The following MSH3 variants were observed in gnomAD, a reference collection of about 807,000 sequenced individuals.
The protein encoded by MSH3 is DNA mismatch repair protein Msh3.
Under a neutral mutation model 123.3 loss-of-function variants are expected in MSH3, and 106 were observed. The observed-to-expected ratio is 0.86, with a 90% CI of 0.73 to 1.01. The LOEUF is 1.01. MSH3 is among the 50% of genes least tolerant of loss of function. The probability of loss-of-function intolerance (pLI) is 0.00; values close to 1 mark genes in which losing one functional copy is unlikely to be tolerated. For missense variants in MSH3, 1,459 were observed against 1,347.6 expected, an observed-to-expected ratio of 1.08 and a Z score of -1.29; for synonymous variants, 515 against 481.4, an observed-to-expected ratio of 1.07 and a Z score of -0.91.
intron 18 of MSH3, among the ~76,000 whole-genome samples, chr5:80,791,362 G>T (rs1271779757): frequency 6.6e-6 from 1 of 152,070 alleles, no homozygotes; most frequent in African/African-American, 2.4e-5. Context: ...CATTTTTGTT[G>T]ATACAAATGT....
chr5:80,853,585 C>T (rs1345989849), intron 20 of MSH3, among the ~76,000 whole-genome samples: 1 of 152,118 alleles, frequency 6.6e-6, no homozygotes, highest in Non-Finnish European at 1.5e-5. Flanking sequence ...GGAACTGTTT[C>T]ATAAAATCTA....
chr5:80,876,792 A>C lies in MSH3; in HGVS notation c.*930A>C, dbSNP rs554168257. Among the ~76,000 whole-genome samples the C allele has an allele frequency of 4.9e-4, 74 of 152,226 alleles. No individual in the cohort carries two copies. The highest frequency in any genetic ancestry group is 9.6e-4 in the Non-Finnish European group (65 of 68,034). On this transcript the variant is annotated 3_prime_UTR_variant, in exon 24 of 24. Coordinates refer to ENST00000265081, the MANE Select transcript of MSH3 (RefSeq NM_002439.5). ...TTATTTGTCATTCATTCAAGTAATAAATATTTAATGAATACTTGCTATAGA... is the reference window on the plus strand; with the variant it reads ...TTATTTGTCATTCATTCAAGTAATACATATTTAATGAATACTTGCTATAGA...
chr5:80,809,237 A>T (rs1387486333), intron 19 of MSH3, among the ~76,000 whole-genome samples: 1 of 152,178 alleles, frequency 6.6e-6, no homozygotes, highest in Non-Finnish European at 1.5e-5. Context: ...AGATGAGAAA[A>T]TGAAATGTAT....
rs767492134 is a variant in MSH3, at chr5:80,728,949, A to G, written c.1552A>G (p.Met518Val). 2 of 1,597,786 alleles carry G rather than the reference A, an allele frequency of 1.3e-6. No individual in the cohort carries two copies. The highest frequency in any genetic ancestry group is 1.7e-6 in the Non-Finnish European group (2 of 1,165,324). ...CCTCAAAGAATTCAACTTGGAAAAG[A>G]TGCTCTCCAAACCTGAGTAAGTGAT... Reference protein sequence around the residue: ...KYLKEFNLEKMLSKPENFKQL... With the variant: ...KYLKEFNLEKVLSKPENFKQL... The change falls in exon 10 of 24, where the codon ATG (methionine) becomes GTG (valine). Residue 518 changes from methionine to valine, a missense_variant. Coordinates refer to ENST00000265081, the MANE Select transcript of MSH3 (RefSeq NM_002439.5).
intron 8 of MSH3, among the ~76,000 whole-genome samples, chr5:80,692,323 T>C (rs1761820224): frequency 1.4e-5 from 1 of 74,054 alleles, no homozygotes; most frequent in Non-Finnish European, 2.6e-5. Context: ...CATGTATATG[T>C]TTAGATAGAT....
chr5:80,836,098 G>C (rs370321029), intron 20 of MSH3, among the ~76,000 whole-genome samples: 1 of 151,866 alleles, frequency 6.6e-6, no homozygotes, highest in East Asian at 1.9e-4. Flanking sequence ...ATGTTTTTTA[G>C]AATAAACTCA....
intron 12 of MSH3, among the ~76,000 whole-genome samples, chr5:80,758,656 C>G (rs1376570562): frequency 2.0e-5 from 3 of 152,130 alleles, no homozygotes; most frequent in African/African-American, 7.2e-5. Flanking sequence ...AAACCTTTTC[C>G]TTTATGTTTT....
intron 8 of MSH3, among the ~76,000 whole-genome samples, chr5:80,721,047 G>A (rs1751068892): frequency 6.6e-6 from 1 of 151,990 alleles, no homozygotes; most frequent in African/African-American, 2.4e-5. Context: ...TCTGGCCCTA[G>A]GCAATTATTA....
chr5:80,875,807 A>G lies in MSH3; in HGVS notation c.3359A>G (p.Gln1120Arg), dbSNP rs1580106219. The G allele has an allele frequency of 7.4e-6, 12 of 1,614,044 alleles. No individual in the cohort carries two copies. The highest frequency in any genetic ancestry group is 1.6e-4 in the Middle Eastern group (1 of 6,062). The change falls in exon 24 of 24, where the codon CAG (glutamine) becomes CGG (arginine). Residue 1120 changes from glutamine (Q) to arginine (R), a missense_variant. Gln to Arg is a conservative substitution (Grantham distance 43). Transcript: ENST00000265081. ...ACGATGCATAATGCACAAGACCTGC[A>G]GAAGTGGACAGAGGAGTTCAACATG... ...LWTMHNAQDL[Q>R]KWTEEFNMEE...
chr5:80,673,439 C>G (rs1217638320), intron 6 of MSH3, among the ~76,000 whole-genome samples: 1 of 152,084 alleles, frequency 6.6e-6, no homozygotes, highest in Non-Finnish European at 1.5e-5. Flanking sequence ...TGAGGTGGGA[C>G]AATCACGTCA....
chr5:80,843,114 G>T (rs1335366741), intron 20 of MSH3, among the ~76,000 whole-genome samples: 1 of 151,966 alleles, frequency 6.6e-6, no homozygotes. Flanking sequence ...TTAGCTTGAG[G>T]GGCTATTGAA....
chr5:80,679,143 T>C (rs776668674), intron 8 of MSH3, 50 bp downstream of exon 8: 2 of 1,579,650 alleles, frequency 1.3e-6, no homozygotes, highest in Non-Finnish European at 8.7e-7. Context: ...AACTTAGGTT[T>C]AGTTCCAAAA....
intron 22 of MSH3, among the ~76,000 whole-genome samples, chr5:80,872,652 TAAA>T (rs939600909): frequency 7.2e-5 from 11 of 151,868 alleles, no homozygotes; most frequent in African/African-American, 2.2e-4. Flanking sequence ...CAAAAAATAT[TAAA>T]AAATTAGCTG....
At chr5:80,835,775 C>T (rs536158237) in intron 20 of MSH3, among the ~76,000 whole-genome samples, 2 of 151,934 alleles carry the variant, frequency 1.3e-5, no homozygotes, top group Non-Finnish European at 1.5e-5. Flanking sequence ...ACTAGCTGGG[C>T]ATGGTGGCAC....
At chr5:80,749,438 T>C (rs893117916) in intron 12 of MSH3, among the ~76,000 whole-genome samples, 1 of 152,184 alleles carries the variant, frequency 6.6e-6, no homozygotes, top group African/African-American at 2.4e-5. Context: ...GCTTTTATCA[T>C]AGCCACACTG....
intron 2 of MSH3, among the ~76,000 whole-genome samples, chr5:80,664,838 C>T (rs1333668440): frequency 1.3e-5 from 2 of 151,616 alleles, no homozygotes; most frequent in Non-Finnish European, 2.9e-5. Context: ...ATCTCATTTG[C>T]AGTTGTTACC....
At chr5:80,839,271 G>T (rs59928058) in intron 20 of MSH3, among the ~76,000 whole-genome samples, 6,221 of 152,216 alleles carry the variant, frequency 0.041, 418 homozygotes, top group African/African-American at 0.14. Flanking sequence ...GGGAGGCTGA[G>T]GCGTGAGAAT....
rs758586643 is a variant in MSH3, at chr5:80,672,269, A to G, written c.818A>G (p.Tyr273Cys). Reference protein sequence around the residue: ...AEIAARELNIYCHLDHNFMTA... With the variant: ...AEIAARELNICCHLDHNFMTA... ...ATTGCAGCCCGAGAGCTCAATATTT[A>G]TTGCCATTTAGATCACAACTTTATG... The change falls in exon 5 of 24, where the codon TAT becomes TGT. Residue 273 changes from tyrosine to cysteine, a missense_variant. Coordinates refer to ENST00000265081, the MANE Select transcript of MSH3 (RefSeq NM_002439.5). 3 of 1,613,722 alleles carry G rather than the reference A, an allele frequency of 1.9e-6. No individual in the cohort carries two copies. Among genetic ancestry groups the G allele is most frequent in the South Asian group, 2.2e-5 (2 of 91,046 alleles).
In MSH3 at chr5:80,748,126, C is replaced by T. The variant is rs570228106; in HGVS notation, c.1763+3511C>T. Among the ~76,000 whole-genome samples, 5 of 152,238 alleles carry T rather than the reference C, an allele frequency of 3.3e-5. No homozygotes were observed. In the East Asian group the frequency reaches 9.6e-4, roughly 29 times the overall value. ...AATAATGGATGACGAGGGGATTTAG[C>T]AAAATAATGCAGATCTCCCCAGGTT... On this transcript the variant is annotated intron_variant, in intron 12 of 23. Transcript: ENST00000265081.
Sources: gnomAD v4.1 joint callset for allele counts (sites outside exome capture counted in the v4.1 genomes callset) on GRCh38, gnomAD v4.1.1 for gene constraint, MANE v1.5 for transcripts, NCBI Gene and HGNC (gene_info 2026-07-23, HGNC 2026-07-21) for gene names.